The following LSAMP variants were observed in gnomAD, a reference collection of about 807,000 sequenced individuals.
LSAMP encodes limbic system associated membrane protein, also known as limbic system-associated membrane protein.
A neutral mutation model predicts 38.6 loss-of-function variants in LSAMP; 7 were observed. The observed-to-expected ratio is 0.18, with a 90% CI of 0.10 to 0.34. LSAMP has a LOEUF of 0.34. Among genes scored for constraint, LSAMP ranks in the 10% least tolerant of loss-of-function variants. LSAMP has a pLI of 1.00. For synonymous variants in LSAMP, 154 were observed against 166.8 expected (o/e 0.92, Z 0.59); for missense variants, 313 against 420.0 (o/e 0.75, Z 2.23).
At chr3:116,100,765 C>T (rs192534504) in intron 1 of LSAMP, among the ~76,000 whole-genome samples, 2 of 152,228 alleles carry the variant, frequency 1.3e-5, no homozygotes, top group African/African-American at 2.4e-5. Flanking sequence ...CATCAGTTCA[C>T]TTAACCTAGC....
At chr3:116,119,546 C>G (rs771946205) in intron 1 of LSAMP, among the ~76,000 whole-genome samples, 1 of 151,854 alleles carries the variant, frequency 6.6e-6, no homozygotes, top group Non-Finnish European at 1.5e-5. Context: ...ACCATGAATA[C>G]TACAGTTAAT....
chr3:115,996,684 C>A (rs1939824690), intron 3 of LSAMP, among the ~76,000 whole-genome samples: 1 of 151,964 alleles, frequency 6.6e-6, no homozygotes. Flanking sequence ...CCATACAAAT[C>A]TCATTATTTG....
intron 1 of LSAMP, among the ~76,000 whole-genome samples, chr3:116,124,365 C>T (rs1323988209): frequency 2.0e-5 from 3 of 152,188 alleles, no homozygotes; most frequent in Admixed American, 1.3e-4. Flanking sequence ...GCTCCAGAAT[C>T]ATACCACAGT....
chr3:115,816,625 A>T (rs1406844134), intron 6 of LSAMP: 2 of 1,287,038 alleles, frequency 1.6e-6, no homozygotes, highest in African/African-American at 3.0e-5. Flanking sequence ...TTTTTGCTTG[A>T]AGTGCACGGT....
At chr3:116,017,918 G>A (rs993769492) in intron 3 of LSAMP, among the ~76,000 whole-genome samples, 1 of 152,096 alleles carries the variant, frequency 6.6e-6, no homozygotes, top group Non-Finnish European at 1.5e-5. Context: ...TTCAGTAAAA[G>A]CAATGCTACT....
intron 3 of LSAMP, among the ~76,000 whole-genome samples, chr3:115,971,585 TGC>T (rs1939019569): frequency 6.6e-6 from 1 of 152,144 alleles, no homozygotes; most frequent in South Asian, 2.1e-4. Flanking sequence ...ATTAGTAACA[TGC>T]CAGATATTAT....
At chr3:115,912,542 G>T (rs1226789373) in intron 3 of LSAMP, among the ~76,000 whole-genome samples, 2 of 152,078 alleles carry the variant, frequency 1.3e-5, no homozygotes, top group Non-Finnish European at 2.9e-5. Flanking sequence ...CTCCATCCTT[G>T]GCCTCCTCTG....
At position 116,164,741 on chromosome 3, in the gene LSAMP, T is replaced by A. The variant is rs1710001106; in HGVS notation, c.156-78185A>T. ...TATATATAATCCAAATATATATATATCCATATATATATATATATATTTTTT... is the reference window on the plus strand; with the variant it reads ...TATATATAATCCAAATATATATATAACCATATATATATATATATATTTTTT... On this transcript the variant is annotated intron_variant, in intron 1 of 6. Transcript: ENST00000490035. Among the ~76,000 whole-genome samples, 3 of 61,164 alleles carry A rather than the reference T, an allele frequency of 4.9e-5. 1 individual carries two copies. The highest frequency in any genetic ancestry group is 9.0e-5 in the Non-Finnish European group (3 of 33,184). The allele number at this position is 61,164 out of a possible 152,430, so 40.1% of individuals were successfully genotyped here.
intron 1 of LSAMP, among the ~76,000 whole-genome samples, chr3:116,170,397 C>T (rs1473556152): frequency 6.6e-6 from 1 of 152,076 alleles, no homozygotes; most frequent in East Asian, 1.9e-4. Flanking sequence ...CAACTGAAAA[C>T]ATCCAGATTT....
At chr3:116,219,778 AAACT>A (rs2046260397) in intron 1 of LSAMP, among the ~76,000 whole-genome samples, 1 of 152,242 alleles carries the variant, frequency 6.6e-6, no homozygotes, top group East Asian at 1.9e-4. Context: ...TCAAAAAAAT[AAACT>A]AATATTACAA....
At chr3:116,001,287 T>A (rs962760157) in intron 3 of LSAMP, among the ~76,000 whole-genome samples, 2 of 152,208 alleles carry the variant, frequency 1.3e-5, no homozygotes, top group African/African-American at 4.8e-5. Flanking sequence ...TCACCAGTAA[T>A]AAAATATGTG....
intron 1 of LSAMP, among the ~76,000 whole-genome samples, chr3:116,417,481 C>A (rs963683968): frequency 2.0e-5 from 3 of 152,204 alleles, no homozygotes; most frequent in South Asian, 4.1e-4. Flanking sequence ...CAGCTGCCTG[C>A]ACTTCAGGGG....
At chr3:116,175,054 A>G (rs1710303863) in intron 1 of LSAMP, among the ~76,000 whole-genome samples, 1 of 152,120 alleles carries the variant, frequency 6.6e-6, no homozygotes, top group Admixed American at 6.6e-5. Context: ...TTTAATAAAT[A>G]TATTCACCAC....
In LSAMP at chr3:115,988,763, C is replaced by T. The variant is rs189809744; in HGVS notation, c.514+30752G>A. Among the ~76,000 whole-genome samples the T allele has an allele frequency of 5.9e-5, 9 of 152,166 alleles. No homozygotes were observed. The East Asian group carries it at 1.7e-3, about 29-fold the overall frequency. On this transcript the variant is annotated intron_variant, in intron 3 of 6. Transcript: ENST00000490035. ...GCAAAACAACACTTTCAATTATCAA[C>T]GTGGCTGGTATTTTCTAAGCGTTGT...
chr3:116,380,822 GT>G (rs898521856), intron 1 of LSAMP, among the ~76,000 whole-genome samples: 1 of 151,812 alleles, frequency 6.6e-6, no homozygotes, highest in Non-Finnish European at 1.5e-5. Context: ...TATAGCTTTG[GT>G]TTTTTTGTTT....
At chr3:115,819,259 C>T (rs1320741980) in intron 6 of LSAMP, among the ~76,000 whole-genome samples, 1 of 151,872 alleles carries the variant, frequency 6.6e-6, no homozygotes, top group Non-Finnish European at 1.5e-5. Flanking sequence ...ACAGTGAAAC[C>T]CCGTCTCTAC....
At chr3:116,366,727 T>G (rs562145938) in intron 1 of LSAMP, among the ~76,000 whole-genome samples, 22 of 152,312 alleles carry the variant, frequency 1.4e-4, no homozygotes, top group Middle Eastern at 3.4e-3. Flanking sequence ...TTAAACTCTG[T>G]GCTCTTAAGG....
intron 2 of LSAMP, among the ~76,000 whole-genome samples, chr3:116,074,611 G>T (rs1707692134): frequency 6.6e-6 from 1 of 152,050 alleles, no homozygotes; most frequent in Non-Finnish European, 1.5e-5. Flanking sequence ...TCTCAACAGG[G>T]AGATATAAAA....
Position 116,085,258 on chromosome 3 carries a change from G to A in LSAMP, c.388+1066C>T, listed in dbSNP as rs76151400. On this transcript the variant is annotated intron_variant, in intron 2 of 6. Transcript: ENST00000490035. Reference sequence around the variant, plus strand: ...AAATGGACCAAAATAGAGGCCACACGACTAAAGCACCCCTGCACCAGGCAG... The same window carrying A: ...AAATGGACCAAAATAGAGGCCACACAACTAAAGCACCCCTGCACCAGGCAG... Among the ~76,000 whole-genome samples the A allele has an allele frequency of 6.4e-3, 976 of 152,238 alleles. 10 individuals are homozygous for A. The highest frequency in any genetic ancestry group is 0.022 in the African/African-American group (930 of 41,548).
Sources: allele counts gnomAD v4.1 joint callset (sites outside exome capture counted in the v4.1 genomes callset), GRCh38; gene constraint gnomAD v4.1.1; transcripts MANE v1.5; gene names NCBI Gene and HGNC (gene_info 2026-07-23, HGNC 2026-07-21).